Variants in ZCWPW1 observed in about 807,000 individuals in gnomAD.
ZCWPW1 encodes the protein zinc finger CW-type PWWP domain protein 1.
ZCWPW1 carries 56 observed loss-of-function variants against 81.3 expected under a neutral mutation model. That is an observed-to-expected ratio of 0.69 (90% CI 0.56 to 0.86). The LOEUF (loss-of-function observed/expected upper bound fraction) is 0.86, where lower values mean the gene tolerates loss of function less well. Among genes scored for constraint, ZCWPW1 ranks in the 40% least tolerant of loss-of-function variants. ZCWPW1 has a pLI of 0.00. For missense variants in ZCWPW1, 650 were observed against 769.8 expected (o/e 0.84, Z 1.84); for synonymous variants, 250 against 273.7 (o/e 0.91, Z 0.86).
At chr7:100,414,949 C>T (rs1317584057) in intron 8 of ZCWPW1, among the ~76,000 whole-genome samples, 7 of 149,746 alleles carry the variant, frequency 4.7e-5, no homozygotes, top group Non-Finnish European at 7.4e-5. Flanking sequence ...CGCTTGAACC[C>T]GGGAGGAGAA....
At chr7:100,421,607 C>A (rs191167377) in intron 2 of ZCWPW1, among the ~76,000 whole-genome samples, 34 of 152,292 alleles carry the variant, frequency 2.2e-4, no homozygotes, top group Admixed American at 7.9e-4. Flanking sequence ...TACCTTAGCA[C>A]CTAATAATGA....
At position 100,419,116 on chromosome 7, in the gene ZCWPW1, C is replaced by T; in HGVS notation, c.356G>A (p.Cys119Tyr). 6.2e-7 allele frequency: 1 copy of T among 1,613,040 alleles called. No individual in the cohort carries two copies. Among genetic ancestry groups the T allele is most frequent in the Non-Finnish European group, 8.5e-7 (1 of 1,179,464 alleles). The change falls in exon 5 of 18, where the codon TGC (cysteine) becomes TAC (tyrosine). Residue 119 changes from cysteine (C) to tyrosine (Y), a missense_variant. Coordinates refer to ENST00000684423, the MANE Select transcript of ZCWPW1 (RefSeq NM_001386010.1). ...QIVLQKSLQE[C>Y]LGMGSGLDFA... ...TCTCTTACTACATGCCATACCCAAG[C>T]ACTCCTGAAGGGACTTCTGCAGAAC...
intron 2 of ZCWPW1, among the ~76,000 whole-genome samples, chr7:100,421,080 G>T (rs562627010): frequency 2.6e-5 from 4 of 152,224 alleles, no homozygotes; most frequent in African/African-American, 7.2e-5. Context: ...AGCCCAGGAG[G>T]CGGAGGCTGC....
In ZCWPW1 at chr7:100,403,764, T is replaced by C; in HGVS notation, c.1343A>G (p.Asn448Ser). 2 of 1,614,078 alleles carry C rather than the reference T, an allele frequency of 1.2e-6. No homozygotes were observed. The highest frequency in any genetic ancestry group is 1.7e-4 in the Middle Eastern group (1 of 6,060). Residue 448 changes from asparagine (N) to serine (S), a missense_variant, in exon 15 of 18, where the codon AAC (asparagine) becomes AGC (serine). Coordinates refer to ENST00000684423, the MANE Select transcript of ZCWPW1 (RefSeq NM_001386010.1). ...TTTCTCTAAGCAGGATCCTGGGCTG[T>C]TCAAACCAGAGAGCTGTAAGTCTAG... ...ERKDLQLSGL[N>S]SPGSCLEKKE...
intron 8 of ZCWPW1, among the ~76,000 whole-genome samples, chr7:100,414,335 G>T: frequency 6.6e-6 from 1 of 152,250 alleles, no homozygotes; most frequent in East Asian, 1.9e-4. Flanking sequence ...CTTAAAGTTG[G>T]AACTTGTTCT....
At chr7:100,409,109 T>TC (rs1793669325) in intron 9 of ZCWPW1, among the ~76,000 whole-genome samples, 1 of 152,108 alleles carries the variant, frequency 6.6e-6, no homozygotes, top group South Asian at 2.1e-4. Flanking sequence ...TCGTCTGTTT[T>TC]CCCCGATATA....
chr7:100,401,046 C>T lies in ZCWPW1; in HGVS notation c.1918G>A (p.Glu640Lys), dbSNP rs199622831. 32 of 1,612,918 alleles carry T rather than the reference C, an allele frequency of 2.0e-5. No homozygotes were observed. Among genetic ancestry groups the T allele is most frequent in the Middle Eastern group, 1.7e-4 (1 of 6,054 alleles). ...CCAAACAGCGCCACGGGGAAGTCCT[C>T]GCCATCACTGTTGCTGTGCTGCAGC... is the stretch of plus-strand genomic sequence containing the variant. ...GELQHSNSDGEDFPVALFGK is the reference protein window; with the variant it reads ...GELQHSNSDGKDFPVALFGK Residue 640 changes from glutamate (E) to lysine (K), a missense_variant, in exon 18 of 18, where the codon GAG becomes AAG. Coordinates refer to ENST00000684423, the MANE Select transcript of ZCWPW1 (RefSeq NM_001386010.1).
chr7:100,418,878 C>T (rs1218160903), intron 5 of ZCWPW1: 5 of 308,858 alleles, frequency 1.6e-5, no homozygotes, highest in African/African-American at 1.1e-4. Flanking sequence ...TATATAAATT[C>T]TGAAGTCAAT....
rs750622663 is a variant in ZCWPW1, at chr7:100,415,990, C to G, written c.739G>C (p.Glu247Gln). ...CTAAACTCACCAAAACCACTTATCTCTCCTTTTTGCTGGTCCCTGATCTGA... is the reference window on the plus strand; with the variant it reads ...CTAAACTCACCAAAACCACTTATCTGTCCTTTTTGCTGGTCCCTGATCTGA... Reference protein sequence around the residue: ...HSQIRDQQKGEISGFGQCLVW... With the variant: ...HSQIRDQQKGQISGFGQCLVW... The change falls in exon 8 of 18, where the codon GAG (glutamate) becomes CAG (glutamine). Residue 247 changes from glutamate to glutamine, a missense_variant. Physicochemically the swap from Glu to Gln is conservative, Grantham distance 29. Coordinates refer to ENST00000684423, the MANE Select transcript of ZCWPW1 (RefSeq NM_001386010.1). The G allele has an allele frequency of 6.2e-6, 10 of 1,614,140 alleles. No individual in the cohort carries two copies. The highest frequency in any genetic ancestry group is 7.6e-6 in the Non-Finnish European group (9 of 1,180,018).
intron 5 of ZCWPW1, 56 bp from the exon 6 acceptor site, chr7:100,417,239 T>C (rs1390763475): frequency 7.3e-7 from 1 of 1,375,488 alleles, no homozygotes; most frequent in Non-Finnish European, 1.0e-6. Flanking sequence ...AGCCACTCTA[T>C]TACTCCCTAA....
chr7:100,424,374 G>T (rs1584293502), intron 2 of ZCWPW1, among the ~76,000 whole-genome samples: 1 of 152,166 alleles, frequency 6.6e-6, no homozygotes, highest in Admixed American at 6.5e-5. Context: ...CTGGGTAGAT[G>T]AGAGTGAAAG....
chr7:100,428,124 C>T (rs1798077071), intron 1 of ZCWPW1, among the ~76,000 whole-genome samples: 1 of 152,182 alleles, frequency 6.6e-6, no homozygotes, highest in Non-Finnish European at 1.5e-5. Context: ...GCGCCTAGCA[C>T]CTTCACCTAC....
At chr7:100,407,450 T>C in intron 10 of ZCWPW1, 147 bp from the exon 11 acceptor site, 1 of 683,532 alleles carries the variant, frequency 1.5e-6, no homozygotes, top group African/African-American at 1.8e-5. Context: ...TGGAGTGCAG[T>C]GTTACAACCA....
chr7:100,408,270 G>T lies in ZCWPW1; in HGVS notation c.992+269C>A, dbSNP rs140300823. On this transcript the variant is annotated intron_variant, in intron 10 of 17. Transcript: ENST00000684423. Reference sequence around the variant, plus strand: ...CTGGCCAATCTCAATATTTTTAAATGCCTCAGATCCACCCTCTTCTTTCTA... The same window carrying T: ...CTGGCCAATCTCAATATTTTTAAATTCCTCAGATCCACCCTCTTCTTTCTA... Among the ~76,000 whole-genome samples the T allele has an allele frequency of 3.9e-5, 6 of 152,172 alleles. No individual in the cohort carries two copies. In the East Asian group the frequency reaches 1.2e-3, roughly 29 times the overall value.
intron 3 of ZCWPW1, 31 bp from the exon 4 acceptor site, chr7:100,419,914 G>A (rs1222939595): frequency 2.7e-6 from 4 of 1,507,892 alleles, no homozygotes; most frequent in Non-Finnish European, 3.6e-6. Flanking sequence ...TGGAATTTAT[G>A]AAACATACAG....
intron 15 of ZCWPW1, 27 bp from the exon 16 acceptor site, chr7:100,402,603 A>G: frequency 1.2e-6 from 2 of 1,610,576 alleles, no homozygotes; most frequent in Non-Finnish European, 8.5e-7. Flanking sequence ...AAGTTTAAAA[A>G]AATGATAAAT....
At chr7:100,427,553 GC>G (rs1797869542) in intron 1 of ZCWPW1, among the ~76,000 whole-genome samples, 1 of 151,988 alleles carries the variant, frequency 6.6e-6, no homozygotes, top group Admixed American at 6.6e-5. Flanking sequence ...TACAAAATTA[GC>G]CGGGCACAGT....
chr7:100,401,776 A>C, intron 17 of ZCWPW1, 113 bp downstream of exon 17: 1 of 1,368,724 alleles, frequency 7.3e-7, no homozygotes. Context: ...TCTAATTTTC[A>C]TTCATTCTGT....
chr7:100,413,572 C>T (rs1794627992), intron 8 of ZCWPW1, among the ~76,000 whole-genome samples: 1 of 152,192 alleles, frequency 6.6e-6, no homozygotes. Flanking sequence ...ACTTCAGGAG[C>T]ACTCACCTCT....
Sources: gnomAD v4.1 joint callset for allele counts (sites outside exome capture counted in the v4.1 genomes callset) on GRCh38, gnomAD v4.1.1 for gene constraint, MANE v1.5 for transcripts, NCBI Gene and HGNC (gene_info 2026-07-23, HGNC 2026-07-21) for gene names.